Variants in MIEF1 observed in about 807,000 individuals in gnomAD.
The protein encoded by MIEF1 is mitochondrial dynamics protein MIEF1.
A neutral mutation model predicts 35.1 loss-of-function variants in MIEF1; 14 were observed. The observed-to-expected ratio is 0.40, with a 90% confidence interval of 0.26 to 0.62. The LOEUF (loss-of-function observed/expected upper bound fraction) is 0.62, where lower values mean the gene tolerates loss of function less well. Ranked by LOEUF, MIEF1 falls within the 20% of genes least tolerant of loss-of-function variation. The pLI is 0.43. For missense variants in MIEF1, 542 were observed against 615.4 expected (o/e 0.88, Z 1.26); for synonymous variants, 245 against 254.3 (o/e 0.96, Z 0.35).
chr22:39,511,332 A>G lies in MIEF1; in HGVS notation c.38A>G (p.Asp13Gly). The part of the protein sequence containing the change: ...GAGERKGKKD[D>G]NGIGTAIDFV... The stretch of plus-strand genomic sequence containing the variant: ...GGTGAGCGCAAAGGCAAGAAGGATG[A>G]CAATGGCATTGGCACGGCCATTGAC... Residue 13 changes from aspartate (D) to glycine (G), a missense_variant, in exon 3 of 6, where the codon GAC becomes GGC. By Grantham distance (94) the Asp-to-Gly change is moderately conservative (BLOSUM62 -1). Transcript: ENST00000325301. The G allele has an allele frequency of 6.2e-7, 1 of 1,613,956 alleles. No homozygotes were observed. Among genetic ancestry groups the G allele is most frequent in the Non-Finnish European group, 8.5e-7 (1 of 1,179,940 alleles).
Position 39,513,605 on chromosome 22 carries a change from T to C in MIEF1, c.674T>C (p.Met225Thr), listed in dbSNP as rs762892107. 1 of 1,614,098 alleles carries C rather than the reference T, an allele frequency of 6.2e-7. No homozygotes were observed. The change falls in exon 6 of 6, where the codon ATG (methionine) becomes ACG (threonine). Residue 225 changes from methionine to threonine, a missense_variant. Transcript: ENST00000325301. ...WSCIPGEDTI[M>T]NVPGFFLVRR... ...TGTATTCCTGGTGAAGACACCATCA[T>C]GAATGTCCCTGGCTTCTTCCTGGTG...
intron 2 of MIEF1, among the ~76,000 whole-genome samples, chr22:39,506,366 T>C (rs1930016344): frequency 6.6e-6 from 1 of 152,098 alleles, no homozygotes; most frequent in South Asian, 2.1e-4. Flanking sequence ...CCCTGTAGAT[T>C]AGTTCTCCGC....
Position 39,512,414 on chromosome 22 carries a change from C to A in MIEF1, c.505C>A (p.Arg169=), listed in dbSNP as rs2232088. 11 of 1,614,044 alleles carry A rather than the reference C, an allele frequency of 6.8e-6. No individual in the cohort carries two copies. The highest frequency in any genetic ancestry group is 1.3e-5 in the African/African-American group (1 of 74,936). ...QAAVDICAEL[R]SFLRAKLPDM... ...TGCTGTGGACATATGTGCCGAGCTC[C>A]GGAGCTTCCTGCGGGCCAAGTTGCC... is the stretch of plus-strand genomic sequence containing the variant. Residue 169 remains arginine (R), a synonymous_variant, in exon 5 of 6, where the codon CGG becomes AGG. Coordinates refer to ENST00000325301, the MANE Select transcript of MIEF1 (RefSeq NM_019008.6).
At chr22:39,505,256 C>T (rs1171114531) in intron 2 of MIEF1, among the ~76,000 whole-genome samples, 1 of 152,194 alleles carries the variant, frequency 6.6e-6, no homozygotes, top group African/African-American at 2.4e-5. Context: ...ATGATCATAG[C>T]TCTCTGGAAC....
At chr22:39,508,579 TC>T (rs1415871634) in intron 2 of MIEF1, among the ~76,000 whole-genome samples, 6 of 152,242 alleles carry the variant, frequency 3.9e-5, no homozygotes, top group African/African-American at 1.4e-4. Flanking sequence ...GTTTGGTTTG[TC>T]CCGTCTCTAT....
Position 39,512,242 on chromosome 22 carries a change from C to T in MIEF1, c.333C>T (p.Cys111=), listed in dbSNP as rs1244841916. ...DSSTFDTDTF[C]PPRPKPVARK... Reference sequence around the variant, plus strand: ...CTCTTGCCTTGGCAGATACATTCTGCCCGCCCCGGCCCAAGCCAGTGGCCA... The same window carrying T: ...CTCTTGCCTTGGCAGATACATTCTGTCCGCCCCGGCCCAAGCCAGTGGCCA... The change falls in exon 5 of 6, where the codon TGC becomes TGT. Residue 111 remains cysteine, a synonymous_variant. Coordinates refer to ENST00000325301, the MANE Select transcript of MIEF1 (RefSeq NM_019008.6). 1 of 1,612,512 alleles carries T rather than the reference C, an allele frequency of 6.2e-7. No homozygotes were observed. Among genetic ancestry groups the T allele is most frequent in the Admixed American group, 1.7e-5 (1 of 60,022 alleles).
Position 39,504,485 on chromosome 22 carries a change from A to G in MIEF1, c.-57A>G. The stretch of plus-strand genomic sequence containing the variant: ...GAGGACAAAGGTGCCTTCTGTAGAC[A>G]CTCCTGCTCTCTTCCATCCCCATCT... On this transcript the variant is annotated 5_prime_UTR_variant, in exon 2 of 6. Transcript: ENST00000325301. 2.5e-6 allele frequency: 1 copy of G among 398,662 alleles called. No individual in the cohort carries two copies. Among genetic ancestry groups the G allele is most frequent in the Non-Finnish European group, 4.4e-6 (1 of 226,024 alleles). 24.7% of individuals were successfully genotyped at this position (398,662 alleles called of 1,614,324 possible). A position where few individuals can be genotyped will look rare whatever the true frequency, so the allele number is the denominator to read the frequency against.
chr22:39,511,771 C>G (rs1930353353), intron 3 of MIEF1, 78 bp from the exon 4 acceptor site: 2 of 1,502,222 alleles, frequency 1.3e-6, no homozygotes, highest in African/African-American at 1.4e-5. Flanking sequence ...TAGGACAGAG[C>G]TTCTGGGGAG....
Position 39,516,460 on chromosome 22 carries a change from T to C in MIEF1, c.*2137T>C, listed in dbSNP as rs1930675203. 6.6e-6 allele frequency: 1 copy of C among 152,214 alleles called. No homozygotes were observed. Among genetic ancestry groups the C allele is most frequent in the Non-Finnish European group, 1.5e-5 (1 of 68,048 alleles). 9.4% of individuals were successfully genotyped at this position (152,214 alleles called of 1,614,324 possible). On this transcript the variant is annotated 3_prime_UTR_variant, in exon 6 of 6. Coordinates refer to ENST00000325301, the MANE Select transcript of MIEF1 (RefSeq NM_019008.6). ...TGGCTCATGCTTGTAATCCCAGCAC[T>C]GGGAAGCTAAGGCGGGTGGATCACT...
At position 39,512,041 on chromosome 22, in the gene MIEF1, T is replaced by C; in HGVS notation, c.322+15T>C. On this transcript the variant is annotated intron_variant, in intron 4 of 5. Transcript: ENST00000325301. ...CTTCGACACAGGTGAGAAGGGCTGC[T>C]GCCCCTCCTGGGACCTCTCTGGACT... is the stretch of plus-strand genomic sequence containing the variant. The C allele has an allele frequency of 6.2e-7, 1 of 1,607,144 alleles. No individual in the cohort carries two copies. Among genetic ancestry groups the C allele is most frequent in the Non-Finnish European group, 8.5e-7 (1 of 1,176,116 alleles).
rs1270726950 is a variant in MIEF1, at chr22:39,514,649, T to G, written c.*326T>G. The G allele has an allele frequency of 2.6e-6, 1 of 381,442 alleles. No homozygotes were observed. 23.6% of individuals were successfully genotyped at this position (381,442 alleles called of 1,614,324 possible). A position where few individuals can be genotyped will look rare whatever the true frequency, so the allele number is the denominator to read the frequency against. On this transcript the variant is annotated 3_prime_UTR_variant, in exon 6 of 6. Transcript: ENST00000325301. ...TGCGTTTTGGCCCATGTTTGCTGCC[T>G]CTATCTGGTCTGCCTTGCCCGTTTG... is the stretch of plus-strand genomic sequence containing the variant.
At position 39,511,937 on chromosome 22, in the gene MIEF1, G is replaced by T. The variant is rs771827471; in HGVS notation, c.233G>T (p.Gly78Val). Reference sequence around the variant, plus strand: ...AGCTGGGAAGAACCCAACTGGATGGGCTCCCCACGACTGCTGAACAGGGAC... The same window carrying T: ...AGCTGGGAAGAACCCAACTGGATGGTCTCCCCACGACTGCTGAACAGGGAC... ...KRSWEEPNWM[G>V]SPRLLNRDMK... The change falls in exon 4 of 6, where the codon GGC becomes GTC. Residue 78 changes from glycine (G) to valine (V), a missense_variant. By Grantham distance (109) the Gly-to-Val change is moderately radical. Transcript: ENST00000325301. 6.2e-7 allele frequency: 1 copy of T among 1,614,096 alleles called. No individual in the cohort carries two copies. The highest frequency in any genetic ancestry group is 1.7e-5 in the Admixed American group (1 of 60,012).
Position 39,514,556 on chromosome 22 carries a change from G to T in MIEF1, c.*233G>T, listed in dbSNP as rs1029159018. ...TGCTCTCTGCCGCCCCCTGGCTCCA[G>T]GCTAATTTTTCTGGAATGAATTGAG... On this transcript the variant is annotated 3_prime_UTR_variant, in exon 6 of 6. Coordinates refer to ENST00000325301, the MANE Select transcript of MIEF1 (RefSeq NM_019008.6). 1.2e-5 allele frequency: 7 copies of T among 560,104 alleles called. No individual in the cohort carries two copies. Among genetic ancestry groups the T allele is most frequent in the Non-Finnish European group, 2.2e-5 (7 of 315,300 alleles). The allele number at this position is 560,104 out of a possible 1,614,324, so 34.7% of individuals were successfully genotyped here.
In MIEF1 at chr22:39,511,446, C is replaced by G. The variant is rs760504003; in HGVS notation, c.144+8C>G. 2.6e-6 allele frequency: 4 copies of G among 1,554,190 alleles called. No individual in the cohort carries two copies. In the South Asian group the frequency reaches 4.7e-5, roughly 18 times the overall value. On this transcript the variant is annotated splice_region_variant and intron_variant, in intron 3 of 5. Coordinates refer to ENST00000325301, the MANE Select transcript of MIEF1 (RefSeq NM_019008.6). ...ACGCTGGCAGTTAAGCGGGTAAGTG[C>G]ATGCAGCCAGGGCTGGGGGTGGAAT...
Position 39,514,071 on chromosome 22 carries a change from C to CA in MIEF1, c.1141dup (p.Thr381AsnfsTer18), listed in dbSNP as rs1352502156. 12 of 1,614,070 alleles carry CA rather than the reference C, an allele frequency of 7.4e-6. No individual in the cohort carries two copies. The highest frequency in any genetic ancestry group is 1.0e-5 in the Non-Finnish European group (12 of 1,180,054). On this transcript the variant is annotated frameshift_variant, in exon 6 of 6. Transcript: ENST00000325301. LOFTEE classifies it high-confidence loss of function. ...AGTCCACCCCGGCTCTGGGCCACCT[C>CA]ACTGCCAGCCAGCTAACCAATGTCA...
intron 2 of MIEF1, 60 bp downstream of exon 2, chr22:39,504,594 G>A (rs1420504963): frequency 2.5e-6 from 1 of 393,378 alleles, no homozygotes; most frequent in Non-Finnish European, 4.5e-6. Flanking sequence ...ACCGAGAAAA[G>A]GATCAAAGTC....
intron 2 of MIEF1, among the ~76,000 whole-genome samples, chr22:39,510,954 A>C (rs1930300925): frequency 6.6e-6 from 1 of 152,160 alleles, no homozygotes; most frequent in African/African-American, 2.4e-5. Flanking sequence ...GCATTTTAAC[A>C]TTGTAAAGGG....
chr22:39,515,424 A>T lies in MIEF1; in HGVS notation c.*1101A>T. On this transcript the variant is annotated 3_prime_UTR_variant, in exon 6 of 6. Coordinates refer to ENST00000325301, the MANE Select transcript of MIEF1 (RefSeq NM_019008.6). ...CCCAACAGCCAGCCCTTCATCCTCC[A>T]GCGTCTGCCATAGGAATGTGAGAGG... The T allele has an allele frequency of 1.4e-6, 1 of 694,984 alleles. No individual in the cohort carries two copies. The allele number at this position is 694,984 out of a possible 1,614,324, so 43.1% of individuals were successfully genotyped here.
Position 39,513,645 on chromosome 22 carries a change from A to G in MIEF1, c.714A>G (p.Pro238=). The change falls in exon 6 of 6, where the codon CCA becomes CCG. Residue 238 remains proline (P), a synonymous_variant. Coordinates refer to ENST00000325301, the MANE Select transcript of MIEF1 (RefSeq NM_019008.6). ...PGFFLVRREN[P]EYFPRGSSYW... is the part of the protein sequence containing the mutation. ...TCTTCCTGGTGCGTCGTGAGAATCC[A>G]GAGTACTTTCCTCGTGGGAGCAGTT... 2 of 1,614,208 alleles carry G rather than the reference A, an allele frequency of 1.2e-6. No homozygotes were observed. The highest frequency in any genetic ancestry group is 1.7e-6 in the Non-Finnish European group (2 of 1,180,030).
Sources: allele counts gnomAD v4.1 joint callset (sites outside exome capture counted in the v4.1 genomes callset), GRCh38; gene constraint gnomAD v4.1.1; transcripts MANE v1.5; gene names NCBI Gene and HGNC (gene_info 2026-07-23, HGNC 2026-07-21).